The following PTPRZ1 variants were observed in gnomAD, a reference collection of about 807,000 sequenced individuals.
The protein encoded by PTPRZ1 is receptor-type tyrosine-protein phosphatase zeta.
In PTPRZ1, 82 loss-of-function variants were observed where a neutral mutation model predicts 214.1. That is an observed-to-expected ratio of 0.38 (90% CI 0.32 to 0.46). The LOEUF is 0.46. Ranked by LOEUF, PTPRZ1 falls within the 20% of genes least tolerant of loss-of-function variation. The probability of loss-of-function intolerance (pLI) is 1.00; values close to 1 mark genes in which losing one functional copy is unlikely to be tolerated. For missense variants in PTPRZ1, 2,603 were observed against 2,748.7 expected (o/e 0.95, Z 1.19); for synonymous variants, 945 against 987.9 (o/e 0.96, Z 0.81).
intron 3 of PTPRZ1, 50 bp downstream of exon 3, chr7:121,968,180 G>A: frequency 6.8e-7 from 1 of 1,480,802 alleles, no homozygotes; most frequent in Non-Finnish European, 9.2e-7. Flanking sequence ...CAGACCTGGA[G>A]TATGTTTAGA....
chr7:121,874,486 G>C (rs1467144427), intron 1 of PTPRZ1, among the ~76,000 whole-genome samples: 3 of 152,108 alleles, frequency 2.0e-5, no homozygotes, highest in African/African-American at 7.2e-5. Context: ...ACAAAGTGTT[G>C]TACTTCGCTT....
intron 11 of PTPRZ1, among the ~76,000 whole-genome samples, chr7:122,006,800 A>G (rs1798500360): frequency 6.6e-6 from 1 of 152,128 alleles, no homozygotes; most frequent in South Asian, 2.1e-4. Flanking sequence ...ATGGAGGTTA[A>G]TTTAATCAAA....
Position 121,996,465 on chromosome 7 carries a change from G to A in PTPRZ1, c.1012G>A (p.Val338Ile), listed in dbSNP as rs143169345. The stretch of plus-strand genomic sequence containing the variant: ...TGTTACATGGGAAAGACCTCGAGTC[G>A]TTTATGATACCATGATTGAGAAGTT... ...LLVTWERPRV[V>I]YDTMIEKFAV... is the part of the protein sequence containing the mutation. Residue 338 changes from valine to isoleucine, a missense_variant, in exon 9 of 30, where the codon GTT (valine) becomes ATT (isoleucine). This residue lies in a region of PTPRZ1 where 244 missense variants were observed against 333.2 expected (regional missense o/e 0.73). Coordinates refer to ENST00000393386, the MANE Select transcript of PTPRZ1 (RefSeq NM_002851.3). 152 of 1,613,572 alleles carry A rather than the reference G, an allele frequency of 9.4e-5. 2 individuals are homozygous for A. The highest frequency in any genetic ancestry group is 2.2e-4 in the East Asian group (10 of 44,824).
At position 122,034,371 on chromosome 7, in the gene PTPRZ1, C is replaced by T. The variant is rs979354018; in HGVS notation, c.5277C>T (p.Ile1759=). 4 of 1,611,968 alleles carry T rather than the reference C, an allele frequency of 2.5e-6. No homozygotes were observed. The highest frequency in any genetic ancestry group is 1.1e-5 in the South Asian group (1 of 90,932). ...AGCACAAGAATCGATACATAAATATCGTTGCCTGTAAGTATATTCTTAAAT... is the reference window on the plus strand; with the variant it reads ...AGCACAAGAATCGATACATAAATATTGTTGCCTGTAAGTATATTCTTAAAT... The part of the protein sequence containing the change: ...DNKHKNRYIN[I]VAYDHSRVKL... Residue 1759 remains isoleucine (I), a synonymous_variant, in exon 17 of 30, where the codon ATC becomes ATT. Transcript: ENST00000393386.
At chr7:121,936,041 C>T (rs1796077931) in intron 2 of PTPRZ1, among the ~76,000 whole-genome samples, 1 of 152,164 alleles carries the variant, frequency 6.6e-6, no homozygotes, top group Non-Finnish European at 1.5e-5. Context: ...GGCAAAATGC[C>T]ATTATAATAA....
chr7:121,997,507 A>T (rs914301741), intron 9 of PTPRZ1, among the ~76,000 whole-genome samples: 29 of 152,274 alleles, frequency 1.9e-4, no homozygotes, highest in African/African-American at 6.5e-4. Context: ...AGAAAAAGAG[A>T]TAACTTAGTT....
intron 13 of PTPRZ1, among the ~76,000 whole-genome samples, chr7:122,026,491 G>A (rs1490237076): frequency 6.6e-6 from 1 of 152,166 alleles, no homozygotes; most frequent in African/African-American, 2.4e-5. Context: ...CAAACTTTCT[G>A]TATAGTTTCT....
chr7:121,961,074 C>T (rs928621953), intron 2 of PTPRZ1, among the ~76,000 whole-genome samples: 7 of 151,984 alleles, frequency 4.6e-5, no homozygotes, highest in African/African-American at 1.7e-4. Context: ...TAAATAAGTA[C>T]AGTGATGCTG....
Position 121,967,931 on chromosome 7 carries a change from T to C in PTPRZ1, c.125-20T>C, listed in dbSNP as rs1324857051. 6.7e-7 allele frequency: 1 copy of C among 1,502,758 alleles called. No individual in the cohort carries two copies. 93.1% of individuals were successfully genotyped at this position (1,502,758 alleles called of 1,614,324 possible). On this transcript the variant is annotated intron_variant, in intron 2 of 29. Transcript: ENST00000393386. The stretch of plus-strand genomic sequence containing the variant: ...ATGGTAATTTAAGAAACTAAATTTC[T>C]TACTCCTTCTTTTCCCTAGGAGCAC...
chr7:122,051,966 CTGCCAGCT>C, intron 25 of PTPRZ1, 27 bp downstream of exon 25: 1 of 1,563,194 alleles, frequency 6.4e-7, no homozygotes, highest in Non-Finnish European at 8.7e-7. Context: ...ACTGAGGAGA[CTGCCAGCT>C]TGTGTTACAG....
At chr7:121,873,617 C>A in intron 1 of PTPRZ1, 60 bp downstream of exon 1, 1 of 1,582,868 alleles carries the variant, frequency 6.3e-7, no homozygotes, top group Non-Finnish European at 8.7e-7. Flanking sequence ...AGGGTGGGAG[C>A]ATTTCAGCGT....
At chr7:121,894,436 G>A (rs1356426509) in intron 1 of PTPRZ1, among the ~76,000 whole-genome samples, 3 of 151,948 alleles carry the variant, frequency 2.0e-5, no homozygotes, top group Non-Finnish European at 4.4e-5. Flanking sequence ...GAAGGGATCT[G>A]CCTCTGTCAC....
In PTPRZ1 at chr7:122,058,866, A is replaced by G. The variant is rs375664447; in HGVS notation, c.6595A>G (p.Ser2199Gly). 11 of 1,595,240 alleles carry G rather than the reference A, an allele frequency of 6.9e-6. No homozygotes were observed. Among genetic ancestry groups the G allele is most frequent in the Middle Eastern group, 1.7e-4 (1 of 6,046 alleles). ...ATGGCCAAATCCAGATAGCCCCATT[A>G]GTAAAACTTTTGAACTTATAAGTGT... ...PKWPNPDSPI[S>G]KTFELISVIK... is the part of the protein sequence containing the mutation. Residue 2199 changes from serine to glycine, a missense_variant, in exon 28 of 30, where the codon AGT becomes GGT. By Grantham distance (56) the Ser-to-Gly change is moderately conservative (BLOSUM62 0). Coordinates refer to ENST00000393386, the MANE Select transcript of PTPRZ1 (RefSeq NM_002851.3).
chr7:122,024,280 T>A (rs1425130934), intron 13 of PTPRZ1, among the ~76,000 whole-genome samples: 2 of 152,076 alleles, frequency 1.3e-5, no homozygotes, highest in African/African-American at 2.4e-5. Flanking sequence ...AAAGCTTTTT[T>A]AAGAGTTGGA....
chr7:121,954,104 C>A (rs1447499886), intron 2 of PTPRZ1, among the ~76,000 whole-genome samples: 1 of 152,196 alleles, frequency 6.6e-6, no homozygotes, highest in Non-Finnish European at 1.5e-5. Context: ...TTCTTCTTAT[C>A]TCTGCCCTAG....
At chr7:122,023,599 A>G (rs1446021106) in intron 13 of PTPRZ1, among the ~76,000 whole-genome samples, 10 of 132,172 alleles carry the variant, frequency 7.6e-5, no homozygotes, top group Admixed American at 2.6e-4. Context: ...TATTATATGT[A>G]TAATTTTATA....
At position 122,010,581 on chromosome 7, in the gene PTPRZ1, C is replaced by G; in HGVS notation, c.1535C>G (p.Thr512Arg). ...TCCCAACCAGTCACTAAATTAGCCA[C>G]AGAAAAAGATATTTCCTTGACTTCT... Reference protein sequence around the residue: ...STSQPVTKLATEKDISLTSQT... With the variant: ...STSQPVTKLAREKDISLTSQT... The change falls in exon 12 of 30, where the codon ACA becomes AGA. Residue 512 changes from threonine (T) to arginine (R), a missense_variant. Thr to Arg is a moderately conservative substitution (Grantham distance 71). Coordinates refer to ENST00000393386, the MANE Select transcript of PTPRZ1 (RefSeq NM_002851.3). The G allele has an allele frequency of 6.2e-7, 1 of 1,613,514 alleles. No homozygotes were observed. The highest frequency in any genetic ancestry group is 8.5e-7 in the Non-Finnish European group (1 of 1,179,458).
intron 1 of PTPRZ1, chr7:121,908,975 A>G (rs1795195248): frequency 1.9e-6 from 1 of 516,194 alleles, no homozygotes; most frequent in South Asian, 1.4e-5. Flanking sequence ...AGACTTTAGT[A>G]TTGTCACATT....
At chr7:121,983,420 A>T (rs1797673264) in intron 6 of PTPRZ1, among the ~76,000 whole-genome samples, 1 of 152,216 alleles carries the variant, frequency 6.6e-6, no homozygotes, top group Non-Finnish European at 1.5e-5. Context: ...GAGTATTTTT[A>T]TATGTAAAAT....
Sources: gnomAD v4.1 joint callset for allele counts (sites outside exome capture counted in the v4.1 genomes callset) on GRCh38, gnomAD v4.1.1 for gene constraint, gnomAD v4.1.1 regional missense constraint, MANE v1.5 for transcripts, NCBI Gene and HGNC (gene_info 2026-07-23, HGNC 2026-07-21) for gene names.